Variants in AXIN1 observed in about 807,000 individuals in gnomAD.
AXIN1 encodes axin-1.
In AXIN1, 30 loss-of-function variants were observed where a neutral mutation model predicts 76.4. The ratio of observed to expected loss-of-function variants is 0.39; its 90% CI spans 0.29 to 0.53. The LOEUF is 0.53. AXIN1 is among the 20% of genes least tolerant of loss of function. The pLI is 0.66. For synonymous variants in AXIN1, 545 were observed against 501.4 expected, an observed-to-expected ratio of 1.09 and a Z score of -1.16; for missense variants, 1,140 against 1,198.8, an observed-to-expected ratio of 0.95 and a Z score of 0.72.
chr16:289,327 A>G, intron 10 of AXIN1, 113 bp downstream of exon 10: 1 of 1,416,196 alleles, frequency 7.1e-7, no homozygotes, highest in South Asian at 1.2e-5. Context: ...CAGCCTCCCA[A>G]AGTGCCAGGA....
intron 2 of AXIN1, among the ~76,000 whole-genome samples, chr16:323,370 C>A: frequency 7.1e-6 from 1 of 141,218 alleles, no homozygotes; most frequent in South Asian, 2.2e-4. Flanking sequence ...ACCCAGGAGG[C>A]AGAGCTTGCA....
intron 2 of AXIN1, among the ~76,000 whole-genome samples, chr16:335,228 C>T (rs999883096): frequency 3.9e-5 from 6 of 152,216 alleles, no homozygotes; most frequent in Non-Finnish European, 7.3e-5. Context: ...AATGGAATTT[C>T]CAAGCAAAGG....
chr16:305,667 C>T (rs1001272388), intron 4 of AXIN1, among the ~76,000 whole-genome samples: 2 of 152,118 alleles, frequency 1.3e-5, no homozygotes, highest in Non-Finnish European at 2.9e-5. Flanking sequence ...CCTCAGCCTC[C>T]CGAGTAGCTG....
At chr16:330,858 T>C (rs1253858083) in intron 2 of AXIN1, among the ~76,000 whole-genome samples, 2 of 152,236 alleles carry the variant, frequency 1.3e-5, no homozygotes, top group African/African-American at 2.4e-5. Context: ...AAGCTCAGAT[T>C]ATCTATGCTG....
chr16:309,938 G>A (rs1273668104), intron 4 of AXIN1, 35 bp downstream of exon 4: 2 of 1,604,088 alleles, frequency 1.2e-6, no homozygotes, highest in Non-Finnish European at 1.7e-6. Flanking sequence ...GAGCGGGGAG[G>A]ACGATGGGCT....
At chr16:311,330 C>T (rs534509577) in intron 3 of AXIN1, among the ~76,000 whole-genome samples, 2 of 151,996 alleles carry the variant, frequency 1.3e-5, no homozygotes, top group Non-Finnish European at 2.9e-5. Flanking sequence ...GCGCCCAGCC[C>T]GCAACAGGTT....
intron 2 of AXIN1, among the ~76,000 whole-genome samples, chr16:339,595 C>A (rs987944861): frequency 2.0e-5 from 3 of 151,334 alleles, no homozygotes; most frequent in African/African-American, 7.3e-5. Context: ...GGCAGGAGAA[C>A]TGCTTCAACC....
chr16:306,073 A>C (rs1405157839), intron 4 of AXIN1, among the ~76,000 whole-genome samples: 1 of 152,148 alleles, frequency 6.6e-6, no homozygotes, highest in Admixed American at 6.6e-5. Flanking sequence ...AAGGGCTCAC[A>C]TTCTGCCATA....
At chr16:351,987 G>C (rs1462131260) in intron 1 of AXIN1, among the ~76,000 whole-genome samples, 1 of 152,170 alleles carries the variant, frequency 6.6e-6, no homozygotes, top group African/African-American at 2.4e-5. Flanking sequence ...GCCGGAGCAC[G>C]CGGCTACTCA....
At chr16:326,922 C>T (rs1039669775) in intron 2 of AXIN1, among the ~76,000 whole-genome samples, 10 of 151,358 alleles carry the variant, frequency 6.6e-5, no homozygotes, top group African/African-American at 2.2e-4. Context: ...GGGGGGATCA[C>T]GAGGTCAGGA....
chr16:349,258 C>T (rs937196126), intron 1 of AXIN1, among the ~76,000 whole-genome samples: 9 of 152,154 alleles, frequency 5.9e-5, no homozygotes, highest in Admixed American at 5.9e-4. Context: ...TTGGCCTCAG[C>T]AGGAACACAC....
intron 2 of AXIN1, among the ~76,000 whole-genome samples, chr16:340,780 A>G (rs2361989): frequency 0.57 from 86,877 of 152,110 alleles, 25,423 homozygotes; most frequent in South Asian, 0.73. Flanking sequence ...TGGGACAAAC[A>G]CAGAAAAGGG....
At chr16:294,749 C>T (rs1233258522) in intron 7 of AXIN1, among the ~76,000 whole-genome samples, 9 of 122,666 alleles carry the variant, frequency 7.3e-5, no homozygotes, top group Non-Finnish European at 5.0e-5. Flanking sequence ...GAGCGAAACC[C>T]CATCTCAAAA....
At chr16:321,743 G>A (rs2053463475) in intron 2 of AXIN1, among the ~76,000 whole-genome samples, 2 of 152,138 alleles carry the variant, frequency 1.3e-5, no homozygotes. Flanking sequence ...TCATAGCTGG[G>A]AATATGAGGT....
intron 2 of AXIN1, among the ~76,000 whole-genome samples, chr16:329,820 A>G (rs1273112978): frequency 3.4e-5 from 5 of 147,146 alleles, no homozygotes; most frequent in African/African-American, 1.3e-4. Flanking sequence ...TTTTTAGTAG[A>G]CACGGGGTTT....
intron 2 of AXIN1, among the ~76,000 whole-genome samples, chr16:334,017 C>A (rs1220304436): frequency 6.8e-6 from 1 of 147,658 alleles, no homozygotes; most frequent in Non-Finnish European, 1.5e-5. Context: ...AATAACACAG[C>A]ACGCAGTACC....
At chr16:332,445 C>T (rs1371489183) in intron 2 of AXIN1, among the ~76,000 whole-genome samples, 4 of 151,664 alleles carry the variant, frequency 2.6e-5, no homozygotes, top group Non-Finnish European at 4.4e-5. Context: ...GGCGTGGTGG[C>T]GGGCGCCTGT....
intron 1 of AXIN1, among the ~76,000 whole-genome samples, chr16:349,366 G>A (rs1429420259): frequency 6.6e-6 from 1 of 152,142 alleles, no homozygotes; most frequent in Admixed American, 6.5e-5. Flanking sequence ...CATGGAGGGA[G>A]CACCCTGGGC....
In AXIN1 at chr16:297,225, C is replaced by T; in HGVS notation, c.1786G>A (p.Gly596Arg). Reference sequence around the variant, plus strand: ...CTTTTGCACGCCACGCCCACCTTCCCACTGCAAGGGCAAGAGCTGCGAGTC... The same window carrying T: ...CTTTTGCACGCCACGCCCACCTTCCTACTGCAAGGGCAAGAGCTGCGAGTC... ...PNASDGLAHS[G>R]KVGVACKRNA... The change falls in exon 7 of 11, where the codon GGG becomes AGG. Residue 596 changes from glycine (G) to arginine (R), a missense_variant and splice_region_variant. Transcript: ENST00000262320. 4 of 1,605,676 alleles carry T rather than the reference C, an allele frequency of 2.5e-6. No homozygotes were observed. The highest frequency in any genetic ancestry group is 3.4e-6 in the Non-Finnish European group (4 of 1,179,880).
Sources: allele counts gnomAD v4.1 joint callset (sites outside exome capture counted in the v4.1 genomes callset), GRCh38; gene constraint gnomAD v4.1.1; transcripts MANE v1.5; gene names NCBI Gene and HGNC (gene_info 2026-07-23, HGNC 2026-07-21).